Variants in ASRGL1 observed in about 807,000 individuals in gnomAD.
ASRGL1 encodes the protein isoaspartyl peptidase/L-asparaginase.
A neutral mutation model predicts 22.4 loss-of-function variants in ASRGL1; 16 were observed. The observed-to-expected ratio is 0.71, with a 90% CI of 0.48 to 1.08. ASRGL1 has a LOEUF of 1.08. Among genes scored for constraint, ASRGL1 ranks in the 50% least tolerant of loss-of-function variants. The pLI, the probability that ASRGL1 is intolerant of heterozygous loss-of-function variation, is 0.00. For missense variants in ASRGL1, 412 were observed against 410.1 expected, an observed-to-expected ratio of 1.00 and a Z score of -0.04; for synonymous variants, 165 against 159.3, an observed-to-expected ratio of 1.04 and a Z score of -0.27.
Position 62,392,529 on chromosome 11 carries a change from A to G in ASRGL1, c.*245A>G. On this transcript the variant is annotated 3_prime_UTR_variant, in exon 7 of 7. Coordinates refer to ENST00000415229, the MANE Select transcript of ASRGL1 (RefSeq NM_001083926.2). ...AGCTGAGGTGAGCCATGATTACTCC[A>G]CTGCACTCCAGCCTGGGCAACAGAG... The G allele has an allele frequency of 1.9e-6, 1 of 537,560 alleles. No individual in the cohort carries two copies. Among genetic ancestry groups the G allele is most frequent in the Non-Finnish European group, 3.3e-6 (1 of 299,612 alleles). The allele number at this position is 537,560 out of a possible 1,614,324, so 33.3% of individuals were successfully genotyped here. A position where few individuals can be genotyped will look rare whatever the true frequency, so the allele number is the denominator to read the frequency against.
intron 4 of ASRGL1, among the ~76,000 whole-genome samples, chr11:62,378,079 T>A (rs938018536): frequency 6.6e-6 from 1 of 152,204 alleles, no homozygotes; most frequent in Non-Finnish European, 1.5e-5. Context: ...TGACGTGACA[T>A]AAGTAGGAAT....
In ASRGL1 at chr11:62,343,106, G is replaced by A. The variant is rs149151161; in HGVS notation, c.190+4939G>A. Among the ~76,000 whole-genome samples the A allele has an allele frequency of 4.6e-3, 699 of 152,062 alleles. 10 individuals are homozygous for A. The highest frequency in any genetic ancestry group is 0.016 in the African/African-American group (671 of 41,482). ...TCAGTAGAAACTACTGGCCGGGCGC[G>A]GTGGCTCACTCCTATAATCCCAGCA... is the stretch of plus-strand genomic sequence containing the variant. On this transcript the variant is annotated intron_variant, in intron 2 of 6. Transcript: ENST00000415229.
intron 4 of ASRGL1, chr11:62,382,961 G>C (rs1043145312): frequency 2.0e-5 from 3 of 152,258 alleles, no homozygotes; most frequent in African/African-American, 7.2e-5. Context: ...CACAGGGTTG[G>C]GGTAGGGTTA....
the ASRGL1 span, among the ~76,000 whole-genome samples, chr11:62,399,846 C>A: frequency 2.0e-5 from 3 of 152,198 alleles, no homozygotes; most frequent in Non-Finnish European, 4.4e-5. Flanking sequence ...GCTCTGAGAC[C>A]CCATACCACA....
intron 2 of ASRGL1, among the ~76,000 whole-genome samples, chr11:62,355,639 T>TTC (rs1555000923): frequency 2.0e-5 from 3 of 150,740 alleles, no homozygotes; most frequent in African/African-American, 7.3e-5. Flanking sequence ...TTTTTTTTTT[T>TTC]CATTGATCAT....
At chr11:62,353,343 C>CTTTTTTTTTTTTTTT (rs35136967) in intron 2 of ASRGL1, among the ~76,000 whole-genome samples, 1 of 135,944 alleles carries the variant, frequency 7.4e-6, no homozygotes, top group Non-Finnish European at 1.5e-5. Flanking sequence ...TTTTATGATG[C>CTTTTTTTTTTTTTTT]TTTTTTTTTT....
At chr11:62,369,084 A>G (rs1016201219) in intron 4 of ASRGL1, among the ~76,000 whole-genome samples, 8 of 152,142 alleles carry the variant, frequency 5.3e-5, no homozygotes, top group African/African-American at 1.7e-4. Context: ...CCACGAGGCC[A>G]TATCTCAGGC....
chr11:62,362,244 C>T (rs1018247270), intron 4 of ASRGL1, among the ~76,000 whole-genome samples: 1 of 151,380 alleles, frequency 6.6e-6, no homozygotes, highest in African/African-American at 2.4e-5. Flanking sequence ...TTATATTTCA[C>T]CCTATAACAA....
chr11:62,357,327 G>A (rs1946326919), intron 4 of ASRGL1, 183 bp downstream of exon 4: 2 of 616,024 alleles, frequency 3.2e-6, no homozygotes, highest in East Asian at 3.5e-5. Flanking sequence ...TCGGCTCACT[G>A]CAGCCTCCGC....
At chr11:62,372,642 G>A in intron 4 of ASRGL1, 1 of 933,246 alleles carries the variant, frequency 1.1e-6, no homozygotes, top group Non-Finnish European at 1.8e-6. Context: ...GCTGGTCCTG[G>A]ACTCCCAGAA....
chr11:62,384,369 G>A (rs1947152567), intron 4 of ASRGL1, among the ~76,000 whole-genome samples: 2 of 152,106 alleles, frequency 1.3e-5, no homozygotes, highest in Admixed American at 1.3e-4. Flanking sequence ...GCTGGGTGTG[G>A]TGGTACACGC....
intron 4 of ASRGL1, 132 bp downstream of exon 4, chr11:62,357,276 GTCTC>G: frequency 2.5e-6 from 1 of 401,382 alleles, no homozygotes; most frequent in Non-Finnish European, 3.8e-6. Flanking sequence ...TTGACACGGA[GTCTC>G]TCTCTGTTGC....
chr11:62,399,469 C>T, the ASRGL1 span, among the ~76,000 whole-genome samples: 54 of 152,334 alleles, frequency 3.5e-4, 1 homozygote, highest in African/African-American at 1.3e-3. Flanking sequence ...AAGCCTCCTT[C>T]GTGCCAGCTC....
At chr11:62,361,746 A>G (rs1299617410) in intron 4 of ASRGL1, among the ~76,000 whole-genome samples, 1 of 152,098 alleles carries the variant, frequency 6.6e-6, no homozygotes, top group Non-Finnish European at 1.5e-5. Context: ...TCAGCCCCCT[A>G]AAGTACTGGG....
intron 4 of ASRGL1, among the ~76,000 whole-genome samples, chr11:62,387,581 C>A (rs946462724): frequency 6.6e-6 from 1 of 152,222 alleles, no homozygotes; most frequent in Non-Finnish European, 1.5e-5. Flanking sequence ...GTTTGTGCAT[C>A]AGGAACGCTC....
At chr11:62,376,486 T>C (rs1177805347) in intron 4 of ASRGL1, among the ~76,000 whole-genome samples, 1 of 152,216 alleles carries the variant, frequency 6.6e-6, no homozygotes, top group Non-Finnish European at 1.5e-5. Context: ...TGTCTTATTT[T>C]TGTTGTCTTT....
chr11:62,384,958 A>C (rs1947166262), intron 4 of ASRGL1, among the ~76,000 whole-genome samples: 1 of 147,390 alleles, frequency 6.8e-6, no homozygotes, highest in Non-Finnish European at 1.5e-5. Flanking sequence ...TGAAACATAT[A>C]TACAAGAAAA....
downstream of ASRGL1, among the ~76,000 whole-genome samples, chr11:62,397,178 C>T (rs984146961): frequency 3.3e-5 from 5 of 152,108 alleles, no homozygotes; most frequent in African/African-American, 9.7e-5. Context: ...CACAGGCACA[C>T]GCCACCACGC....
intron 4 of ASRGL1, among the ~76,000 whole-genome samples, chr11:62,363,058 C>G (rs532867849): frequency 6.7e-6 from 1 of 149,526 alleles, no homozygotes; most frequent in Non-Finnish European, 1.5e-5. Context: ...CTCAGCCTCC[C>G]GAGTAGCTGG....
Sources: allele counts gnomAD v4.1 joint callset (sites outside exome capture counted in the v4.1 genomes callset), GRCh38; gene constraint gnomAD v4.1.1; transcripts MANE v1.5; gene names NCBI Gene and HGNC (gene_info 2026-07-23, HGNC 2026-07-21).